Variants in ABCC3 observed in about 807,000 individuals in gnomAD.
ABCC3 encodes the protein ATP-binding cassette sub-family C member 3.
ABCC3 carries 121 observed loss-of-function variants against 165.3 expected under a neutral mutation model. The ratio of observed to expected loss-of-function variants is 0.73; its 90% CI spans 0.63 to 0.85. The LOEUF (loss-of-function observed/expected upper bound fraction) is 0.85. ABCC3 is among the 40% of genes least tolerant of loss of function. The probability of loss-of-function intolerance (pLI) is 0.00; values close to 1 mark genes in which losing one functional copy is unlikely to be tolerated. For missense variants in ABCC3, 1,869 were observed against 1,964.1 expected, an observed-to-expected ratio of 0.95 and a Z score of 0.92; for synonymous variants, 733 against 810.1, an observed-to-expected ratio of 0.90 and a Z score of 1.62.
intron 28 of ABCC3, 139 bp from the exon 29 acceptor site, chr17:50,684,570 G>C: frequency 2.3e-6 from 2 of 885,616 alleles, no homozygotes; most frequent in Non-Finnish European, 3.3e-6. Context: ...CTATCTCTTT[G>C]GCCATTGTGT....
In ABCC3 at chr17:50,667,826, T is replaced by C. The variant is rs200005758; in HGVS notation, c.1636-37T>C. On this transcript the variant is annotated intron_variant, in intron 12 of 30. Transcript: ENST00000285238. Reference sequence around the variant, plus strand: ...GGTGCCCAGGCATGGCCAGGGCTCATTGGACTCTACCCTGACACCACCTCC... The same window carrying C: ...GGTGCCCAGGCATGGCCAGGGCTCACTGGACTCTACCCTGACACCACCTCC... 1.3e-4 allele frequency: 207 copies of C among 1,613,722 alleles called. 1 individual carries two copies. Among genetic ancestry groups the C allele is most frequent in the Middle Eastern group, 1.7e-4 (1 of 6,060 alleles).
chr17:50,642,351 C>T (rs1411617826), intron 1 of ABCC3, among the ~76,000 whole-genome samples: 2 of 152,196 alleles, frequency 1.3e-5, no homozygotes, highest in Non-Finnish European at 2.9e-5. Flanking sequence ...GAGGGCCCTG[C>T]CCAGGTGGGA....
chr17:50,689,737 A>G (rs1318931882), intron 30 of ABCC3, among the ~76,000 whole-genome samples: 1 of 152,130 alleles, frequency 6.6e-6, no homozygotes, highest in African/African-American at 2.4e-5. Flanking sequence ...ACTCCCATTT[A>G]GGACCCCACT....
rs751600723 is a variant in ABCC3 at position 50,669,438 on chromosome 17, C to T, written c.2151C>T (p.Pro717=). ...TGCTTTTCGGCAAAGCCCTGAACCCCAAGCGCTACCAGCAGACTCTGGAGG... is the reference window on the plus strand; with the variant it reads ...TGCTTTTCGGCAAAGCCCTGAACCCTAAGCGCTACCAGCAGACTCTGGAGG... ...ENVLFGKALN[P]KRYQQTLEAC... The change falls in exon 17 of 31, where the codon CCC becomes CCT. Residue 717 remains proline, a synonymous_variant. Transcript: ENST00000285238. The T allele has an allele frequency of 1.2e-6, 2 of 1,614,264 alleles. No homozygotes were observed. Among genetic ancestry groups the T allele is most frequent in the Admixed American group, 1.7e-5 (1 of 60,034 alleles).
Position 50,676,484 on chromosome 17 carries a change from A to C in ABCC3, c.3274A>C (p.Asn1092His), listed in dbSNP as rs917485829. 5.0e-5 allele frequency: 80 copies of C among 1,614,006 alleles called. No homozygotes were observed. Among genetic ancestry groups the C allele is most frequent in the Non-Finnish European group, 6.2e-5 (73 of 1,180,030 alleles). The change falls in exon 23 of 31, where the codon AAT becomes CAT. Residue 1092 changes from asparagine (N) to histidine (H), a missense_variant. Asn to His is a moderately conservative substitution (Grantham distance 68). Transcript: ENST00000285238. ...GGCCCCTGTCATCCTCATGCTGCTCAATTCCTTCTTCAACGCCATCTCCAC... is the reference window on the plus strand; with the variant it reads ...GGCCCCTGTCATCCTCATGCTGCTCCATTCCTTCTTCAACGCCATCTCCAC... ...VLAPVILMLL[N>H]SFFNAISTLV...
In ABCC3 at chr17:50,677,943, G is replaced by C. The variant is rs199994657; in HGVS notation, c.3578G>C (p.Arg1193Pro). Residue 1193 changes from arginine to proline, a missense_variant and splice_region_variant, in exon 24 of 31, where the codon CGG becomes CCG. Physicochemically the swap from Arg to Pro is moderately radical, Grantham distance 103. Coordinates refer to ENST00000285238, the MANE Select transcript of ABCC3 (RefSeq NM_003786.4). ...TGCTACCCCTACATCATCTCCAACC[G>C]GTCAGAAGCCGCCTCCCTCGCTCCC... Reference protein sequence around the residue: ...RSCYPYIISNRWLSIGVEFVG... With the variant: ...RSCYPYIISNPWLSIGVEFVG... 6.2e-7 allele frequency: 1 copy of C among 1,614,042 alleles called. No individual in the cohort carries two copies. Among genetic ancestry groups the C allele is most frequent in the Non-Finnish European group, 8.5e-7 (1 of 1,180,010 alleles).
At chr17:50,660,170 A>G (rs1967343834) in intron 7 of ABCC3, among the ~76,000 whole-genome samples, 1 of 152,086 alleles carries the variant, frequency 6.6e-6, no homozygotes, top group Non-Finnish European at 1.5e-5. Flanking sequence ...AGGAGCCAGC[A>G]CACCCCTGCC....
chr17:50,658,204 C>A lies in ABCC3; in HGVS notation c.609C>A (p.Asp203Glu), dbSNP rs1295565392. The change falls in exon 5 of 31, where the codon GAC becomes GAA. Residue 203 changes from aspartate to glutamate, a missense_variant. Coordinates refer to ENST00000285238, the MANE Select transcript of ABCC3 (RefSeq NM_003786.4). ...CATTTTTCTCCGCAAAGAATGTCGA[C>A]CCTGTGAGTTTCCCATGGAGGGTGC... ...KPPFFSAKNV[D>E]PNPYPETSAG... 2.5e-6 allele frequency: 4 copies of A among 1,614,100 alleles called. No homozygotes were observed. The highest frequency in any genetic ancestry group is 1.7e-5 in the Admixed American group (1 of 60,004).
intron 8 of ABCC3, 39 bp downstream of exon 8, chr17:50,661,153 G>T (rs1567830335): frequency 3.3e-6 from 5 of 1,528,918 alleles, no homozygotes; most frequent in Non-Finnish European, 3.5e-6. Context: ...CCTGCCCTGG[G>T]CAGCAGGGCT....
intron 1 of ABCC3, among the ~76,000 whole-genome samples, chr17:50,654,109 A>G (rs528664145): frequency 1.1e-4 from 16 of 152,370 alleles, no homozygotes; most frequent in African/African-American, 3.8e-4. Context: ...TCAACCAAGA[A>G]ACAGAAAAAA....
At chr17:50,678,351 G>GAT in intron 25 of ABCC3, 132 bp downstream of exon 25, 3 of 871,830 alleles carry the variant, frequency 3.4e-6, no homozygotes, top group Non-Finnish European at 4.6e-6. Flanking sequence ...CAAGGACTGT[G>GAT]AGAAAAAAAA....
chr17:50,670,931 T>G (rs749646691), intron 17 of ABCC3, among the ~76,000 whole-genome samples: 27 of 152,184 alleles, frequency 1.8e-4, no homozygotes, highest in South Asian at 4.1e-4. Context: ...GCTTTGCTTT[T>G]TAACAATTTT....
At chr17:50,653,596 C>CA (rs924088716) in intron 1 of ABCC3, among the ~76,000 whole-genome samples, 19 of 150,868 alleles carry the variant, frequency 1.3e-4, no homozygotes, top group African/African-American at 4.6e-4. Context: ...ACTAAAAATA[C>CA]AAAAAAATTA....
Position 50,667,671 on chromosome 17 carries a change from A to G in ABCC3, c.1549A>G (p.Ile517Val). The G allele has an allele frequency of 6.2e-7, 1 of 1,614,204 alleles. No individual in the cohort carries two copies. Among genetic ancestry groups the G allele is most frequent in the Non-Finnish European group, 8.5e-7 (1 of 1,180,034 alleles). ...CAGCTTCCTGAAGCAGGTGGAGGGC[A>G]TCAGGCAGGGTGAGCTCCAGCTGCT... ...EPSFLKQVEGIRQGELQLLRT... is the reference protein window; with the variant it reads ...EPSFLKQVEGVRQGELQLLRT... Residue 517 changes from isoleucine (I) to valine (V), a missense_variant, in exon 12 of 31, where the codon ATC becomes GTC. Coordinates refer to ENST00000285238, the MANE Select transcript of ABCC3 (RefSeq NM_003786.4).
intron 26 of ABCC3, among the ~76,000 whole-genome samples, chr17:50,680,591 G>C (rs916670255): frequency 6.6e-6 from 1 of 152,062 alleles, no homozygotes; most frequent in East Asian, 1.9e-4. Flanking sequence ...ACCCCCCTTT[G>C]TGTCTCTGTC....
At chr17:50,681,679 T>A (rs899026293) in intron 26 of ABCC3, among the ~76,000 whole-genome samples, 2 of 152,204 alleles carry the variant, frequency 1.3e-5, no homozygotes, top group African/African-American at 4.8e-5. Flanking sequence ...CCTCCTGCAG[T>A]CCTCTTTCTG....
In ABCC3 at chr17:50,675,730, G is replaced by A; in HGVS notation, c.2814G>A (p.Lys938=). 1 of 1,563,258 alleles carries A rather than the reference G, an allele frequency of 6.4e-7. No homozygotes were observed. Among genetic ancestry groups the A allele is most frequent in the Non-Finnish European group, 8.7e-7 (1 of 1,153,466 alleles). Reference sequence around the variant, plus strand: ...AGAAGGTGCAGGTGACAGAGGCGAAGGCAGATGGGGCACTGACCCAGGAGG... The same window carrying A: ...AGAAGGTGCAGGTGACAGAGGCGAAAGCAGATGGGGCACTGACCCAGGAGG... ...PSEKVQVTEA[K]ADGALTQEEK... Residue 938 remains lysine (K), a synonymous_variant, in exon 21 of 31, where the codon AAG becomes AAA. Coordinates refer to ENST00000285238, the MANE Select transcript of ABCC3 (RefSeq NM_003786.4).
At chr17:50,676,150 G>T in intron 22 of ABCC3, 60 bp downstream of exon 22, 5 of 1,604,458 alleles carry the variant, frequency 3.1e-6, no homozygotes, top group Non-Finnish European at 4.3e-6. Flanking sequence ...GGGCTGCCAG[G>T]CCCCCCAAAC....
chr17:50,675,625 C>T lies in ABCC3; in HGVS notation c.2715-6C>T. On this transcript the variant is annotated splice_polypyrimidine_tract_variant and splice_region_variant and intron_variant, in intron 20 of 30. Transcript: ENST00000285238. ...CCTCCCTGGGCCTGACCAGCTGCCT[C>T]CACAGACAGCTGAGTGCCCTGTCCT... The T allele has an allele frequency of 6.4e-7, 1 of 1,564,196 alleles. No homozygotes were observed. The highest frequency in any genetic ancestry group is 1.4e-5 in the African/African-American group (1 of 73,974).
Sources: gnomAD v4.1 joint callset for allele counts (sites outside exome capture counted in the v4.1 genomes callset) on GRCh38, gnomAD v4.1.1 for gene constraint, MANE v1.5 for transcripts, NCBI Gene and HGNC (gene_info 2026-07-23, HGNC 2026-07-21) for gene names.